Variants in BCR observed in about 807,000 individuals in gnomAD.
BCR encodes the protein BCR activator of RhoGEF and GTPase.
BCR carries 58 observed loss-of-function variants against 138.6 expected under a neutral mutation model. That is an observed-to-expected ratio of 0.42 (90% CI 0.34 to 0.52). BCR has a LOEUF of 0.52. Among genes scored for constraint, BCR ranks in the 20% least tolerant of loss-of-function variants. BCR has a pLI of 0.06. For missense variants in BCR, 1,599 were observed against 1,727.2 expected (o/e 0.93, Z 1.32); for synonymous variants, 786 against 730.1 (o/e 1.08, Z -1.23).
At chr22:23,239,372 T>C (rs2073062319) in intron 1 of BCR, among the ~76,000 whole-genome samples, 1 of 152,186 alleles carries the variant, frequency 6.6e-6, no homozygotes, top group Non-Finnish European at 1.5e-5. Flanking sequence ...ATAATTTAGC[T>C]TCTGAGCAGG....
At chr22:23,258,153 C>CAT (rs770534477) in intron 2 of BCR, among the ~76,000 whole-genome samples, 40 of 152,150 alleles carry the variant, frequency 2.6e-4, no homozygotes, top group Admixed American at 3.3e-4. Flanking sequence ...TGTATAAATG[C>CAT]ATATATATAC....
chr22:23,194,006 C>A (rs1417537652), intron 1 of BCR, among the ~76,000 whole-genome samples: 1 of 152,202 alleles, frequency 6.6e-6, no homozygotes, highest in Non-Finnish European at 1.5e-5. Context: ...TTCTCTGTCC[C>A]TGAGGCACGG....
chr22:23,206,819 CA>C (rs1330938620), intron 1 of BCR, among the ~76,000 whole-genome samples: 1 of 152,068 alleles, frequency 6.6e-6, no homozygotes, highest in Admixed American at 6.6e-5. Context: ...ATCCAAGATC[CA>C]AACATTTATC....
At chr22:23,294,335 C>G (rs1422460922) in intron 15 of BCR, among the ~76,000 whole-genome samples, 1 of 152,156 alleles carries the variant, frequency 6.6e-6, no homozygotes, top group African/African-American at 2.4e-5. Flanking sequence ...ATAATAATAT[C>G]TTACAGAATA....
chr22:23,314,474 C>T lies in BCR; in HGVS notation c.3564-78C>T, dbSNP rs544855543. The T allele has an allele frequency of 2.6e-5, 40 of 1,541,664 alleles. 1 individual carries two copies. In the South Asian group the frequency reaches 4.0e-4, roughly 15 times the overall value. ...GTCGAGGTCACTCCCTTCCTGAGAA[C>T]TCCAGCACAGCCCAGCCCCTCTGCC... On this transcript the variant is annotated intron_variant, in intron 21 of 22. Coordinates refer to ENST00000305877, the MANE Select transcript of BCR (RefSeq NM_004327.4).
Position 23,204,563 on chromosome 22 carries a change from C to T in BCR, c.1279+22324C>T, listed in dbSNP as rs144088042. On this transcript the variant is annotated intron_variant, in intron 1 of 22. Coordinates refer to ENST00000305877, the MANE Select transcript of BCR (RefSeq NM_004327.4). Reference sequence around the variant, plus strand: ...CCCAAAGCAGCCTTCCTGTAGGATCCTGGTTGTGTCTGGCTTCCTGCAGTA... The same window carrying T: ...CCCAAAGCAGCCTTCCTGTAGGATCTTGGTTGTGTCTGGCTTCCTGCAGTA... 4.7e-4 allele frequency among the ~76,000 whole-genome samples: 71 copies of T among 152,250 alleles called. 3 individuals carry two copies. In the East Asian group the frequency reaches 8.7e-3, roughly 19 times the overall value.
chr22:23,216,720 G>T (rs2146225993), intron 1 of BCR, among the ~76,000 whole-genome samples: 1 of 152,364 alleles, frequency 6.6e-6, no homozygotes, highest in Admixed American at 6.5e-5. Flanking sequence ...TCAGTTTGTG[G>T]TTTGACTGCC....
At chr22:23,264,192 T>C in intron 4 of BCR, 1 of 1,263,048 alleles carries the variant, frequency 7.9e-7, no homozygotes, top group South Asian at 1.2e-5. Flanking sequence ...TTCCTCCTTC[T>C]ATAGCGTTGT....
chr22:23,253,988 C>A lies in BCR; in HGVS notation c.1461+8C>A. 6.2e-7 allele frequency: 1 copy of A among 1,607,596 alleles called. No individual in the cohort carries two copies. Among genetic ancestry groups the A allele is most frequent in the African/African-American group, 1.3e-5 (1 of 74,918 alleles). On this transcript the variant is annotated splice_region_variant and intron_variant, in intron 2 of 22. Coordinates refer to ENST00000305877, the MANE Select transcript of BCR (RefSeq NM_004327.4). The stretch of plus-strand genomic sequence containing the variant: ...CTGGAGTCCACTAAAGCGGTGAGTC[C>A]CCATGGTGTACGTGTGGCAGGAGGG...
At chr22:23,291,366 G>A (rs2073785019) in intron 14 of BCR, among the ~76,000 whole-genome samples, 2 of 151,934 alleles carry the variant, frequency 1.3e-5, no homozygotes, top group Non-Finnish European at 2.9e-5. Context: ...CTGTGGTGCT[G>A]TTTGCGCTCA....
chr22:23,288,528 C>T (rs528825249), intron 12 of BCR, among the ~76,000 whole-genome samples: 3 of 152,204 alleles, frequency 2.0e-5, no homozygotes, highest in African/African-American at 7.2e-5. Flanking sequence ...CCCGGCCTGC[C>T]CCCTAGTCCT....
chr22:23,180,909 C>T lies in BCR; in HGVS notation c.-52C>T, dbSNP rs1298194357. The T allele has an allele frequency of 3.8e-6, 4 of 1,040,130 alleles. No individual in the cohort carries two copies. Among genetic ancestry groups the T allele is most frequent in the Non-Finnish European group, 4.6e-6 (4 of 864,642 alleles). 64.4% of individuals were successfully genotyped at this position (1,040,130 alleles called of 1,614,324 possible). ...GGGCTGGCGAGGCGCCGCGCCGCCGCTGAGACGGGCCCCGCGCGCAGCCCG... is the reference window on the plus strand; with the variant it reads ...GGGCTGGCGAGGCGCCGCGCCGCCGTTGAGACGGGCCCCGCGCGCAGCCCG... On this transcript the variant is annotated 5_prime_UTR_variant, in exon 1 of 23. Transcript: ENST00000305877.
intron 1 of BCR, among the ~76,000 whole-genome samples, chr22:23,216,163 T>C (rs1463204222): frequency 6.6e-6 from 1 of 152,166 alleles, no homozygotes. Flanking sequence ...CACCGATTTT[T>C]GTGGGGCCTG....
intron 1 of BCR, among the ~76,000 whole-genome samples, chr22:23,223,521 G>A (rs2072853413): frequency 6.6e-6 from 1 of 152,148 alleles, no homozygotes; most frequent in Non-Finnish European, 1.5e-5. Context: ...AAAGCCCTGT[G>A]TGCACAGTCG....
chr22:23,236,536 C>T (rs757033387), intron 1 of BCR, among the ~76,000 whole-genome samples: 3 of 152,224 alleles, frequency 2.0e-5, no homozygotes, highest in Non-Finnish European at 4.4e-5. Flanking sequence ...GGGATTCAGG[C>T]GAGAACAGGG....
At chr22:23,278,555 C>T (rs1048830645) in intron 8 of BCR, among the ~76,000 whole-genome samples, 4 of 152,086 alleles carry the variant, frequency 2.6e-5, no homozygotes, top group Non-Finnish European at 2.9e-5. Flanking sequence ...GGTGAAACCC[C>T]GTCTCCACTA....
intron 2 of BCR, chr22:23,254,571 C>G (rs1000294190): frequency 1.5e-5 from 8 of 518,818 alleles, no homozygotes; most frequent in South Asian, 5.6e-5. Flanking sequence ...GGACCCACGC[C>G]CCCCCTCACA....
chr22:23,299,983 G>A (rs1285580754), intron 16 of BCR, among the ~76,000 whole-genome samples: 4 of 152,194 alleles, frequency 2.6e-5, no homozygotes, highest in Non-Finnish European at 5.9e-5. Flanking sequence ...TAGCCAGAAG[G>A]CTGAGAAGTA....
intron 1 of BCR, among the ~76,000 whole-genome samples, chr22:23,198,799 A>T (rs1344482839): frequency 6.6e-6 from 1 of 152,046 alleles, no homozygotes; most frequent in Non-Finnish European, 1.5e-5. Context: ...TGTTCCCTGG[A>T]GCAGCTGGTG....
Sources: gnomAD v4.1 joint callset for allele counts (sites outside exome capture counted in the v4.1 genomes callset) on GRCh38, gnomAD v4.1.1 for gene constraint, MANE v1.5 for transcripts, NCBI Gene and HGNC (gene_info 2026-07-23, HGNC 2026-07-21) for gene names.